PDGFRA: variants seen among roughly 807,000 people sequenced by gnomAD.
PDGFRA encodes the protein platelet derived growth factor receptor alpha.
In PDGFRA, 25 loss-of-function variants were observed where a neutral mutation model predicts 121.5. The ratio of observed to expected loss-of-function variants is 0.21; its 90% CI spans 0.15 to 0.29. The LOEUF (loss-of-function observed/expected upper bound fraction) is 0.29. Among genes scored for constraint, PDGFRA ranks in the 10% least tolerant of loss-of-function variants. The pLI is 1.00. For synonymous variants in PDGFRA, 463 were observed against 494.8 expected (o/e 0.94, Z 0.85); for missense variants, 1,008 against 1,345.1 (o/e 0.75, Z 3.92).
rs184634858 is a variant in PDGFRA, at chr4:54,277,392, G to C, written c.1791G>C (p.Arg597=). The C allele has an allele frequency of 6.2e-7, 1 of 1,613,152 alleles. No homozygotes were observed. Among genetic ancestry groups the C allele is most frequent in the Non-Finnish European group, 8.5e-7 (1 of 1,179,174 alleles). The change falls in exon 13 of 23, where the codon CGG becomes CGC. Residue 597 remains arginine (R), a synonymous_variant. Coordinates refer to ENST00000257290, the MANE Select transcript of PDGFRA (RefSeq NM_006206.6). ...EFPRDGLVLG[R]VLGSGAFGKV... is the part of the protein sequence containing the mutation. Reference sequence around the variant, plus strand: ...AATGATTCTGCCTGCCCACAGGTCGGGTCTTGGGGTCTGGAGCGTTTGGGA... The same window carrying C: ...AATGATTCTGCCTGCCCACAGGTCGCGTCTTGGGGTCTGGAGCGTTTGGGA...
At chr4:54,253,206 G>T (rs1356536459) in intron 1 of PDGFRA, among the ~76,000 whole-genome samples, 1 of 152,226 alleles carries the variant, frequency 6.6e-6, no homozygotes, top group African/African-American at 2.4e-5. Flanking sequence ...TTAAAGAGAA[G>T]TTGAAGTAAT....
At chr4:54,264,514 C>T (rs1224241250) in intron 4 of PDGFRA, 1 of 279,620 alleles carries the variant, frequency 3.6e-6, no homozygotes. Flanking sequence ...AACTGAGGAG[C>T]AGAGTGGAAG....
intron 22 of PDGFRA, among the ~76,000 whole-genome samples, chr4:54,293,590 C>T (rs1724736848): frequency 6.6e-6 from 1 of 151,964 alleles, no homozygotes; most frequent in Non-Finnish European, 1.5e-5. Context: ...GCCACCATGC[C>T]CAGCTAATTT....
At chr4:54,288,312 T>G (rs571070968) in intron 19 of PDGFRA, among the ~76,000 whole-genome samples, 126 of 152,192 alleles carry the variant, frequency 8.3e-4, no homozygotes, top group Admixed American at 2.9e-3. Context: ...CCCGTCTCCT[T>G]TTTCATCCTA....
At position 54,296,367 on chromosome 4, in the gene PDGFRA, G is replaced by GT. The variant is rs34529347; in HGVS notation, c.*1111dup. On this transcript the variant is annotated 3_prime_UTR_variant, in exon 23 of 23. Transcript: ENST00000257290. The stretch of plus-strand genomic sequence containing the variant: ...CAGCAAAAAGACTGGATTTGCAGAA[G>GT]TTTTTTTTTTTTTTTTCTTCATGCC... 88 of 211,458 alleles carry GT rather than the reference G, an allele frequency of 4.2e-4. No homozygotes were observed. The highest frequency in any genetic ancestry group is 1.1e-3 in the African/African-American group (48 of 42,628). 13.1% of individuals were successfully genotyped at this position (211,458 alleles called of 1,614,324 possible). A position where few individuals can be genotyped will look rare whatever the true frequency, so the allele number is the denominator to read the frequency against.
chr4:54,275,556 T>TGAATGAAAGCAAGACAAAGGC (rs1723674174), intron 12 of PDGFRA, among the ~76,000 whole-genome samples: 1 of 152,222 alleles, frequency 6.6e-6, no homozygotes, highest in Non-Finnish European at 1.5e-5. Flanking sequence ...ACATTCCTAA[T>TGAATGAAAGCAAGACAAAGGC]GAATGAAAGC....
chr4:54,264,881 G>T (rs1577711153), intron 4 of PDGFRA, 38 bp from the exon 5 acceptor site: 2 of 1,585,420 alleles, frequency 1.3e-6, no homozygotes, highest in Non-Finnish European at 1.7e-6. Context: ...TGGCTATCCT[G>T]TGGATTTTTA....
At chr4:54,262,411 T>C (rs1053618631) in intron 3 of PDGFRA, among the ~76,000 whole-genome samples, 1 of 152,118 alleles carries the variant, frequency 6.6e-6, no homozygotes, top group South Asian at 2.1e-4. Flanking sequence ...CGAGCACAAG[T>C]GATGGCAATT....
At chr4:54,246,993 C>A (rs1423129274) in intron 1 of PDGFRA, among the ~76,000 whole-genome samples, 4 of 152,178 alleles carry the variant, frequency 2.6e-5, no homozygotes, top group African/African-American at 7.2e-5. Flanking sequence ...TTCCTCGACA[C>A]ATACACCCTC....
In PDGFRA at chr4:54,287,490, C is replaced by T. The variant is rs2110341509; in HGVS notation, c.2623C>T (p.Leu875=). The change falls in exon 19 of 23, where the codon CTG becomes TTG. Residue 875 remains leucine, a synonymous_variant. Transcript: ENST00000257290. ...CATCTTTGACAACCTCTACACCACACTGAGTGATGTCTGGTCTTATGGCAT... is the reference window on the plus strand; with the variant it reads ...CATCTTTGACAACCTCTACACCACATTGAGTGATGTCTGGTCTTATGGCAT... ...ESIFDNLYTT[L]SDVWSYGILL... is the part of the protein sequence containing the mutation. The T allele has an allele frequency of 6.4e-7, 1 of 1,574,796 alleles. No individual in the cohort carries two copies. Among genetic ancestry groups the T allele is most frequent in the Non-Finnish European group, 8.7e-7 (1 of 1,144,188 alleles).
At position 54,275,110 on chromosome 4, in the gene PDGFRA, C is replaced by T. The variant is rs1577727218; in HGVS notation, c.1786+137C>T. On this transcript the variant is annotated intron_variant, in intron 12 of 22. Coordinates refer to ENST00000257290, the MANE Select transcript of PDGFRA (RefSeq NM_006206.6). ...CAATGGAAATTTGCTTTCAGAAATACATTTCTGTCTTGACAGTAAGTTAAT... is the reference window on the plus strand; with the variant it reads ...CAATGGAAATTTGCTTTCAGAAATATATTTCTGTCTTGACAGTAAGTTAAT... 6 of 881,064 alleles carry T rather than the reference C, an allele frequency of 6.8e-6. No individual in the cohort carries two copies. In the East Asian group the frequency reaches 1.5e-4, roughly 22 times the overall value. 54.6% of individuals were successfully genotyped at this position (881,064 alleles called of 1,614,324 possible).
intron 1 of PDGFRA, among the ~76,000 whole-genome samples, chr4:54,238,753 C>G (rs988097895): frequency 6.6e-6 from 1 of 152,072 alleles, no homozygotes; most frequent in Non-Finnish European, 1.5e-5. Flanking sequence ...ATTGCTTGAG[C>G]CCAGGATTTC....
In PDGFRA at chr4:54,261,374, A is replaced by G. The variant is rs1230872708; in HGVS notation, c.329A>G (p.Asn110Ser). 1.2e-6 allele frequency: 2 copies of G among 1,614,014 alleles called. No homozygotes were observed. The highest frequency in any genetic ancestry group is 1.7e-6 in the Non-Finnish European group (2 of 1,180,008). The stretch of plus-strand genomic sequence containing the variant: ...TACAACCACACTCAGACAGAAGAGA[A>G]TGAGCTTGAAGGCAGGCACATTTAC... ...CYYNHTQTEE[N>S]ELEGRHIYIY... The change falls in exon 3 of 23, where the codon AAT becomes AGT. Residue 110 changes from asparagine (N) to serine (S), a missense_variant. Transcript: ENST00000257290.
At position 54,280,298 on chromosome 4, in the gene PDGFRA, C is replaced by T. The variant is rs2110323021; in HGVS notation, c.2157-18C>T. The T allele has an allele frequency of 6.2e-7, 1 of 1,611,476 alleles. No individual in the cohort carries two copies. The highest frequency in any genetic ancestry group is 8.5e-7 in the Non-Finnish European group (1 of 1,177,838). On this transcript the variant is annotated intron_variant, in intron 15 of 22. Coordinates refer to ENST00000257290, the MANE Select transcript of PDGFRA (RefSeq NM_006206.6). ...CAGAAGGGCACCCTGGGTAAGATTTCTCTTTCTGTTTTTACAGCTATGTTA... is the reference window on the plus strand; with the variant it reads ...CAGAAGGGCACCCTGGGTAAGATTTTTCTTTCTGTTTTTACAGCTATGTTA...
intron 1 of PDGFRA, among the ~76,000 whole-genome samples, chr4:54,253,938 G>A (rs1338406492): frequency 1.3e-5 from 2 of 152,152 alleles, no homozygotes; most frequent in Admixed American, 6.5e-5. Context: ...ACCCACCTTG[G>A]CCTCCCAAAG....
At chr4:54,290,596 C>T (rs771848974) in intron 22 of PDGFRA, 42 bp downstream of exon 22, 25 of 1,611,372 alleles carry the variant, frequency 1.6e-5, no homozygotes, top group Non-Finnish European at 2.1e-5. Flanking sequence ...TTTCCCCTCC[C>T]CTATAGGCCC....
chr4:54,258,276 G>A (rs533277317), intron 1 of PDGFRA, among the ~76,000 whole-genome samples: 1 of 152,062 alleles, frequency 6.6e-6, no homozygotes, highest in South Asian at 2.1e-4. Context: ...TATCACAAAG[G>A]CCTCCTGTAA....
At chr4:54,283,273 C>G (rs1724162313) in intron 16 of PDGFRA, among the ~76,000 whole-genome samples, 1 of 152,168 alleles carries the variant, frequency 6.6e-6, no homozygotes, top group South Asian at 2.1e-4. Flanking sequence ...TCTGGACACC[C>G]TGGTTTTTTA....
At chr4:54,275,788 A>C (rs372317524) in intron 12 of PDGFRA, among the ~76,000 whole-genome samples, 7 of 152,378 alleles carry the variant, frequency 4.6e-5, no homozygotes, top group Admixed American at 3.3e-4. Flanking sequence ...AAATTATGAC[A>C]GTGAATGAGA....
Sources: allele counts gnomAD v4.1 joint callset (sites outside exome capture counted in the v4.1 genomes callset), GRCh38; gene constraint gnomAD v4.1.1; transcripts MANE v1.5; gene names NCBI Gene and HGNC (gene_info 2026-07-23, HGNC 2026-07-21).